Variants in PCOLCE2 observed in about 807,000 individuals in gnomAD.
PCOLCE2 encodes procollagen C-proteinase enhancer 2.
PCOLCE2 carries 42 observed loss-of-function variants against 47.0 expected under a neutral mutation model. That is an observed-to-expected ratio of 0.89 (90% confidence interval 0.70 to 1.16). PCOLCE2 has a LOEUF of 1.16. PCOLCE2 is among the 50% of genes most tolerant of loss of function. The probability of loss-of-function intolerance (pLI) is 0.00; values close to 1 mark genes in which losing one functional copy is unlikely to be tolerated. For synonymous variants in PCOLCE2, 169 were observed against 191.7 expected (o/e 0.88, Z 0.98); for missense variants, 500 against 526.1 (o/e 0.95, Z 0.49).
chr3:142,836,679 A>G (rs1937207576), intron 5 of PCOLCE2, among the ~76,000 whole-genome samples: 1 of 152,212 alleles, frequency 6.6e-6, no homozygotes, highest in South Asian at 2.1e-4. Context: ...GAGGAGAGAC[A>G]TGGAAGAAAA....
At chr3:142,873,826 G>A (rs1933445097) in intron 2 of PCOLCE2, among the ~76,000 whole-genome samples, 3 of 152,190 alleles carry the variant, frequency 2.0e-5, no homozygotes, top group South Asian at 2.1e-4. Context: ...GGGGTGGAAC[G>A]CAACTAGAGA....
chr3:142,819,320 C>T (rs1936987027), intron 8 of PCOLCE2, among the ~76,000 whole-genome samples: 1 of 152,140 alleles, frequency 6.6e-6, no homozygotes, highest in Non-Finnish European at 1.5e-5. Flanking sequence ...TTAATTCCTC[C>T]TTTAGTTCCC....
At chr3:142,856,767 A>C (rs910353037) in intron 2 of PCOLCE2, among the ~76,000 whole-genome samples, 1 of 152,222 alleles carries the variant, frequency 6.6e-6, no homozygotes. Context: ...TCCTTTGGCC[A>C]GTGATACCCT....
rs568798203 is a variant in PCOLCE2 at position 142,838,864 on chromosome 3, T to C, written c.616A>G (p.Asn206Asp). The C allele has an allele frequency of 5.1e-5, 82 of 1,613,280 alleles. No homozygotes were observed. The East Asian group carries it at 1.8e-3, about 35-fold the overall frequency. ...GCCACATAATCATATCGGCAGTAGTTATCTCGCTCCACATCAAACTTCTCA... is the reference window on the plus strand; with the variant it reads ...GCCACATAATCATATCGGCAGTAGTCATCTCGCTCCACATCAAACTTCTCA... ...KFEKFDVERD[N>D]YCRYDYVAVF... Residue 206 changes from asparagine (N) to aspartate (D), a missense_variant, in exon 5 of 9, where the codon AAC (asparagine) becomes GAC (aspartate). Physicochemically the swap from Asn to Asp is conservative, Grantham distance 23. Transcript: ENST00000295992.
intron 1 of PCOLCE2, chr3:142,888,546 C>A (rs921703901): frequency 1.8e-5 from 7 of 382,462 alleles, no homozygotes; most frequent in Non-Finnish European, 3.3e-5. Context: ...TCAGATTAAG[C>A]CCCGCCACGT....
chr3:142,852,878 G>C (rs1932978524), intron 2 of PCOLCE2, among the ~76,000 whole-genome samples: 2 of 151,756 alleles, frequency 1.3e-5, no homozygotes, highest in African/African-American at 4.8e-5. Flanking sequence ...GCCGAGGCAG[G>C]AGGATTGCTT....
rs1441218904 is a variant in PCOLCE2 at position 142,827,268 on chromosome 3, C to T, written c.865+2424G>A. The T allele has an allele frequency of 5.6e-6, 7 of 1,249,634 alleles. No homozygotes were observed. The African/African-American group carries it at 8.9e-5, about 16-fold the overall frequency. 77.4% of individuals were successfully genotyped at this position (1,249,634 alleles called of 1,614,324 possible). A position where few individuals can be genotyped will look rare whatever the true frequency, so the allele number is the denominator to read the frequency against. Reference sequence around the variant, plus strand: ...TGCTCCATAGGGTTCATGGCCACATCCCATACTCGTGGCCACCAGTTCCTC... The same window carrying T: ...TGCTCCATAGGGTTCATGGCCACATTCCATACTCGTGGCCACCAGTTCCTC... On this transcript the variant is annotated intron_variant, in intron 6 of 8. Transcript: ENST00000295992.
At chr3:142,855,651 G>A (rs903672551) in intron 2 of PCOLCE2, among the ~76,000 whole-genome samples, 1 of 152,182 alleles carries the variant, frequency 6.6e-6, no homozygotes, top group Non-Finnish European at 1.5e-5. Flanking sequence ...TTAAGTTGGG[G>A]CCATGAGTCT....
In PCOLCE2 at chr3:142,888,946, A is replaced by T. The variant is rs777275420; in HGVS notation, c.-50T>A. The T allele has an allele frequency of 5.9e-6, 5 of 853,236 alleles. No individual in the cohort carries two copies. Among genetic ancestry groups the T allele is most frequent in the Non-Finnish European group, 8.3e-6 (5 of 600,140 alleles). The allele number at this position is 853,236 out of a possible 1,614,324, so 52.9% of individuals were successfully genotyped here. A position where few individuals can be genotyped will look rare whatever the true frequency, so the allele number is the denominator to read the frequency against. The stretch of plus-strand genomic sequence containing the variant: ...CACCCCACGGCGCGCGCGCCGGCAC[A>T]CACGCCCCTCCGCACCCACCGCGCT... On this transcript the variant is annotated 5_prime_UTR_variant, in exon 1 of 9. Coordinates refer to ENST00000295992, the MANE Select transcript of PCOLCE2 (RefSeq NM_013363.4).
At chr3:142,825,091 A>T (rs72992644) in intron 6 of PCOLCE2, among the ~76,000 whole-genome samples, 5,381 of 152,294 alleles carry the variant, frequency 0.035, 326 homozygotes, top group African/African-American at 0.12. Flanking sequence ...TTTGGAAGGG[A>T]GAGACATACC....
intron 5 of PCOLCE2, among the ~76,000 whole-genome samples, chr3:142,837,919 G>C (rs1223444452): frequency 2.0e-5 from 3 of 152,210 alleles, no homozygotes; most frequent in Non-Finnish European, 4.4e-5. Flanking sequence ...AGCAATGTGA[G>C]GGGGAGGCAT....
intron 2 of PCOLCE2, among the ~76,000 whole-genome samples, chr3:142,854,120 G>A (rs1386629246): frequency 6.6e-6 from 1 of 152,214 alleles, no homozygotes; most frequent in African/African-American, 2.4e-5. Flanking sequence ...CATTTCTGCA[G>A]AAATGGGAAT....
rs546859112 is a variant in PCOLCE2, at chr3:142,819,731, G to C, written c.1117+1147C>G. On this transcript the variant is annotated intron_variant, in intron 8 of 8. Transcript: ENST00000295992. The stretch of plus-strand genomic sequence containing the variant: ...TGTGATCATGACTCACTGCAGACTC[G>C]ACCTCTTAGGTTCAAGGCATCCTCT... 1.2e-4 allele frequency among the ~76,000 whole-genome samples: 18 copies of C among 152,122 alleles called. 1 individual carries two copies. The highest frequency in any genetic ancestry group is 7.8e-4 in the Admixed American group (12 of 15,288).
At chr3:142,850,121 T>G (rs1322934809) in intron 2 of PCOLCE2, among the ~76,000 whole-genome samples, 2 of 152,196 alleles carry the variant, frequency 1.3e-5, no homozygotes, top group East Asian at 3.8e-4. Flanking sequence ...AATTTAAATT[T>G]TAAACATTAT....
intron 1 of PCOLCE2, 173 bp downstream of exon 1, chr3:142,888,641 G>A (rs1041842905): frequency 2.2e-5 from 10 of 447,938 alleles, no homozygotes; most frequent in Admixed American, 8.8e-5. Context: ...GGGTCCCGAA[G>A]TCCCGGGCTT....
intron 2 of PCOLCE2, among the ~76,000 whole-genome samples, chr3:142,857,580 T>C (rs1257227091): frequency 1.3e-5 from 2 of 152,198 alleles, no homozygotes; most frequent in African/African-American, 4.8e-5. Context: ...AAGGTAATAT[T>C]TCTTTTAAAA....
intron 3 of PCOLCE2, among the ~76,000 whole-genome samples, chr3:142,845,252 TC>T (rs1937312125): frequency 6.6e-6 from 1 of 152,208 alleles, no homozygotes; most frequent in African/African-American, 2.4e-5. Flanking sequence ...GTTTAAGTTA[TC>T]AAAATTTACT....
chr3:142,851,767 A>T (rs1327449931), intron 2 of PCOLCE2, among the ~76,000 whole-genome samples: 1 of 152,138 alleles, frequency 6.6e-6, no homozygotes, highest in Non-Finnish European at 1.5e-5. Context: ...ACTGTCCAGG[A>T]GGCTTTTAGA....
chr3:142,820,160 C>T (rs893128742), intron 8 of PCOLCE2, among the ~76,000 whole-genome samples: 1 of 151,418 alleles, frequency 6.6e-6, no homozygotes, highest in Non-Finnish European at 1.5e-5. Context: ...AGCCTGATCT[C>T]GAACTTCTGG....
Sources: gnomAD v4.1 joint callset for allele counts (sites outside exome capture counted in the v4.1 genomes callset) on GRCh38, gnomAD v4.1.1 for gene constraint, MANE v1.5 for transcripts, NCBI Gene and HGNC (gene_info 2026-07-23, HGNC 2026-07-21) for gene names.